IQCM: variants seen among roughly 807,000 people sequenced by gnomAD.
The protein encoded by IQCM is IQ domain-containing protein M.
In IQCM, 45 loss-of-function variants were observed where a neutral mutation model predicts 57.6. That is an observed-to-expected ratio of 0.78 (90% CI 0.62 to 1.00). The LOEUF is 1.00. Ranked by LOEUF, IQCM falls within the 50% of genes least tolerant of loss-of-function variation. IQCM has a pLI of 0.00. For missense variants in IQCM, 468 were observed against 511.6 expected, an observed-to-expected ratio of 0.91 and a Z score of 0.82; for synonymous variants, 148 against 158.9, an observed-to-expected ratio of 0.93 and a Z score of 0.51.
chr4:149,402,336 G>A (rs899152911), intron 13 of IQCM, among the ~76,000 whole-genome samples: 4 of 151,418 alleles, frequency 2.6e-5, no homozygotes, highest in African/African-American at 9.7e-5. Flanking sequence ...GGGGCCTAAG[G>A]TCACAAAATA....
chr4:149,548,352 A>C (rs540097955), intron 12 of IQCM, 103 bp downstream of exon 12: 2 of 937,846 alleles, frequency 2.1e-6, no homozygotes, highest in Admixed American at 8.6e-5. Flanking sequence ...AAGTAAGGGA[A>C]GGAATGAAGA....
At chr4:149,685,009 AG>A (rs1762450262) in intron 6 of IQCM, among the ~76,000 whole-genome samples, 1 of 151,472 alleles carries the variant, frequency 6.6e-6, no homozygotes, top group South Asian at 2.1e-4. Context: ...ACAGGAAGTT[AG>A]GGTGTCAAGG....
intron 13 of IQCM, among the ~76,000 whole-genome samples, chr4:149,392,188 T>G (rs961797106): frequency 6.6e-6 from 1 of 151,960 alleles, no homozygotes; most frequent in African/African-American, 2.4e-5. Context: ...ATAGATATTC[T>G]TTTTGGCAAA....
intron 7 of IQCM, among the ~76,000 whole-genome samples, chr4:149,661,829 T>G (rs1017024395): frequency 3.9e-5 from 6 of 152,124 alleles, no homozygotes; most frequent in African/African-American, 7.2e-5. Flanking sequence ...TTTATTTAGT[T>G]GAGTCTTCTC....
intron 7 of IQCM, among the ~76,000 whole-genome samples, chr4:149,681,551 G>A (rs1762177734): frequency 6.6e-6 from 1 of 151,198 alleles, no homozygotes; most frequent in Admixed American, 6.6e-5. Context: ...AGTGCCTTGA[G>A]AACCCAAGGA....
At chr4:149,507,591 A>T (rs1234709495) in intron 12 of IQCM, among the ~76,000 whole-genome samples, 1 of 152,184 alleles carries the variant, frequency 6.6e-6, no homozygotes, top group African/African-American at 2.4e-5. Context: ...ATGATTTAGG[A>T]TATCTGGCAG....
chr4:149,741,965 G>C (rs1767498063), intron 3 of IQCM, among the ~76,000 whole-genome samples: 1 of 151,984 alleles, frequency 6.6e-6, no homozygotes, highest in Non-Finnish European at 1.5e-5. Flanking sequence ...CCTCAATAAA[G>C]CTAGAAGATT....
chr4:149,609,536 A>G (rs1755093423), intron 8 of IQCM, among the ~76,000 whole-genome samples: 3 of 151,990 alleles, frequency 2.0e-5, no homozygotes, highest in African/African-American at 7.2e-5. Context: ...AGAATCATTC[A>G]TCATGATTAA....
At chr4:149,456,693 GAA>G (rs764539249) in intron 12 of IQCM, among the ~76,000 whole-genome samples, 64 of 152,160 alleles carry the variant, frequency 4.2e-4, no homozygotes, top group Middle Eastern at 3.4e-3. Flanking sequence ...CATAGGGAGA[GAA>G]TCCCTCTCAT....
chr4:149,731,239 A>G (rs1006733872), intron 5 of IQCM, among the ~76,000 whole-genome samples: 4 of 152,228 alleles, frequency 2.6e-5, no homozygotes, highest in Admixed American at 1.3e-4. Flanking sequence ...ACCCTCATAA[A>G]GGAAATTAAT....
At chr4:149,660,142 AC>A (rs1272628999) in intron 7 of IQCM, among the ~76,000 whole-genome samples, 1 of 150,810 alleles carries the variant, frequency 6.6e-6, no homozygotes, top group African/African-American at 2.4e-5. Flanking sequence ...CAAGAAAAAA[AC>A]AAACAACCCC....
chr4:149,481,695 A>AGTTTTGTTTTTTTTTTTTTTT (rs1740792503), intron 12 of IQCM, among the ~76,000 whole-genome samples: 1 of 4,302 alleles, frequency 2.3e-4, no homozygotes, highest in Non-Finnish European at 8.4e-4. Flanking sequence ...TGATTCTTCC[A>AGTTTTGTTTTTTTTTTTTTTT]GTTTTGTTTT....
chr4:149,613,422 C>T (rs2150057686), intron 8 of IQCM, among the ~76,000 whole-genome samples: 1 of 152,194 alleles, frequency 6.6e-6, no homozygotes, highest in East Asian at 1.9e-4. Flanking sequence ...CTTCGATTCT[C>T]CCCATATTCA....
At chr4:149,528,628 G>A (rs1220070978) in intron 12 of IQCM, among the ~76,000 whole-genome samples, 1 of 152,116 alleles carries the variant, frequency 6.6e-6, no homozygotes, top group African/African-American at 2.4e-5. Flanking sequence ...ATAAGCCTGA[G>A]GAATTGAGGT....
At chr4:149,769,553 G>T (rs1451158048) in intron 2 of IQCM, among the ~76,000 whole-genome samples, 1 of 147,760 alleles carries the variant, frequency 6.8e-6, no homozygotes, top group Non-Finnish European at 1.5e-5. Flanking sequence ...ATGCTCTATA[G>T]CTAAAAAAAA....
chr4:149,681,678 G>A (rs916741351), intron 7 of IQCM, among the ~76,000 whole-genome samples: 12 of 150,996 alleles, frequency 7.9e-5, no homozygotes, highest in Admixed American at 5.3e-4. Context: ...GTTAAAAAGC[G>A]GGAAAACTAA....
chr4:149,417,408 A>G (rs1261404897), intron 13 of IQCM, among the ~76,000 whole-genome samples: 2 of 152,076 alleles, frequency 1.3e-5, no homozygotes, highest in African/African-American at 2.4e-5. Flanking sequence ...AGTACAGTTT[A>G]CGTGCCAGGA....
At chr4:149,812,217 T>G (rs962052977) in intron 2 of IQCM, among the ~76,000 whole-genome samples, 3 of 152,190 alleles carry the variant, frequency 2.0e-5, no homozygotes, top group Non-Finnish European at 4.4e-5. Context: ...TTTGGAGCCA[T>G]ATTCCTAAGA....
At chr4:149,504,071 T>G (rs887948047) in intron 12 of IQCM, among the ~76,000 whole-genome samples, 1 of 151,922 alleles carries the variant, frequency 6.6e-6, no homozygotes, top group Admixed American at 6.6e-5. Context: ...TAAAAAAAAA[T>G]TAAAACAATA....
Sources: allele counts gnomAD v4.1 joint callset (sites outside exome capture counted in the v4.1 genomes callset), GRCh38; gene constraint gnomAD v4.1.1; transcripts MANE v1.5; gene names NCBI Gene and HGNC (gene_info 2026-07-23, HGNC 2026-07-21).